The following TENM4 variants were observed in gnomAD, a reference collection of about 807,000 sequenced individuals.
TENM4 encodes teneurin transmembrane protein 4.
In TENM4, 82 loss-of-function variants were observed where a neutral mutation model predicts 243.3. The ratio of observed to expected loss-of-function variants is 0.34; its 90% CI spans 0.28 to 0.40. TENM4 has a LOEUF of 0.40. Among genes scored for constraint, TENM4 ranks in the 10% least tolerant of loss-of-function variants. The probability of loss-of-function intolerance (pLI) is 1.00; values close to 1 mark genes in which losing one functional copy is unlikely to be tolerated. For synonymous variants in TENM4, 1,412 were observed against 1,456.3 expected (o/e 0.97, Z 0.69); for missense variants, 3,138 against 3,673.3 (o/e 0.85, Z 3.77).
intron 1 of TENM4, among the ~76,000 whole-genome samples, chr11:79,409,107 C>T (rs1028378176): frequency 3.3e-4 from 44 of 135,102 alleles, no homozygotes; most frequent in East Asian, 2.7e-3. Flanking sequence ...TGTGTGCGCG[C>T]GCGCGCGTGC....
intron 3 of TENM4, among the ~76,000 whole-genome samples, chr11:79,172,099 G>T (rs190560059): frequency 2.0e-5 from 3 of 152,234 alleles, no homozygotes; most frequent in Admixed American, 2.0e-4. Flanking sequence ...CTACAGGCAC[G>T]TGCCACCACA....
At chr11:79,414,761 G>A (rs1216171329) in intron 1 of TENM4, among the ~76,000 whole-genome samples, 1 of 152,202 alleles carries the variant, frequency 6.6e-6, no homozygotes, top group East Asian at 1.9e-4. Context: ...CAGAGAGAGG[G>A]GCTGAGCAGA....
At chr11:79,066,671 C>G (rs556375597) in intron 5 of TENM4, among the ~76,000 whole-genome samples, 1 of 151,858 alleles carries the variant, frequency 6.6e-6, no homozygotes, top group African/African-American at 2.4e-5. Context: ...CATGCACATG[C>G]ACACACACGC....
rs552061647 is a variant in TENM4, at chr11:79,070,394, A to G, written c.-65-385T>C. 2.6e-3 allele frequency among the ~76,000 whole-genome samples: 397 copies of G among 152,238 alleles called. 2 individuals are homozygous for G. The highest frequency in any genetic ancestry group is 9.2e-3 in the African/African-American group (383 of 41,548). On this transcript the variant is annotated intron_variant, in intron 4 of 33. Coordinates refer to ENST00000278550, the MANE Select transcript of TENM4 (RefSeq NM_001098816.3). Reference sequence around the variant, plus strand: ...CCCAGCTCTGGCCCAGGGCTCCTTAAAAATCTGTGAGATGAATGATTGCAT... The same window carrying G: ...CCCAGCTCTGGCCCAGGGCTCCTTAGAAATCTGTGAGATGAATGATTGCAT...
At chr11:78,663,898 C>T (rs951311541) in intron 32 of TENM4, among the ~76,000 whole-genome samples, 17 of 152,084 alleles carry the variant, frequency 1.1e-4, no homozygotes, top group African/African-American at 1.4e-4. Flanking sequence ...GTTTTGTTTT[C>T]GGGTTGTCTG....
chr11:79,178,495 A>G (rs1007518275), intron 3 of TENM4, among the ~76,000 whole-genome samples: 2 of 152,186 alleles, frequency 1.3e-5, no homozygotes, highest in African/African-American at 2.4e-5. Context: ...AGTAGTGAGT[A>G]GTGTGGTGAG....
chr11:78,938,659 C>T (rs947423570), intron 6 of TENM4, among the ~76,000 whole-genome samples: 1 of 152,076 alleles, frequency 6.6e-6, no homozygotes, highest in Non-Finnish European at 1.5e-5. Flanking sequence ...TGAACAAGTG[C>T]CTACATTATT....
At chr11:78,821,480 C>T (rs1187624503) in intron 12 of TENM4, among the ~76,000 whole-genome samples, 1 of 152,156 alleles carries the variant, frequency 6.6e-6, no homozygotes, top group East Asian at 1.9e-4. Flanking sequence ...GTTTCCTTTG[C>T]CTCTATTTTT....
intron 1 of TENM4, among the ~76,000 whole-genome samples, chr11:79,364,311 C>T (rs893082786): frequency 1.3e-5 from 2 of 152,186 alleles, no homozygotes; most frequent in Non-Finnish European, 2.9e-5. Context: ...ACCCCCCGGC[C>T]CAATGGGCCT....
At chr11:78,918,655 C>T (rs1166490303) in intron 6 of TENM4, among the ~76,000 whole-genome samples, 1 of 152,132 alleles carries the variant, frequency 6.6e-6, no homozygotes, top group Non-Finnish European at 1.5e-5. Flanking sequence ...GGTGCGCTGA[C>T]ACCACTGAAG....
Position 78,702,184 on chromosome 11 carries a change from G to A in TENM4, c.4429C>T (p.His1477Tyr). Residue 1477 changes from histidine (H) to tyrosine (Y), a missense_variant, in exon 28 of 34, where the codon CAC (histidine) becomes TAC (tyrosine). By Grantham distance (83) the His-to-Tyr change is moderately conservative. Transcript: ENST00000278550. ...TCAGCAATATACAGGACCCCATTGT[G>A]TGAAACAGCCAAAGCGGTGGCTGAC... ...LESATALAVSHNGVLYIAETD... is the reference protein window; with the variant it reads ...LESATALAVSYNGVLYIAETD... 2 of 1,613,990 alleles carry A rather than the reference G, an allele frequency of 1.2e-6. No individual in the cohort carries two copies. Among genetic ancestry groups the A allele is most frequent in the Non-Finnish European group, 1.7e-6 (2 of 1,179,892 alleles).
intron 13 of TENM4, among the ~76,000 whole-genome samples, chr11:78,813,741 C>G (rs1357205386): frequency 6.6e-6 from 1 of 152,156 alleles, no homozygotes; most frequent in Non-Finnish European, 1.5e-5. Flanking sequence ...CAATGTTTAT[C>G]ATGGGCACTG....
At chr11:78,908,740 G>A (rs1025887651) in intron 6 of TENM4, among the ~76,000 whole-genome samples, 9 of 152,226 alleles carry the variant, frequency 5.9e-5, no homozygotes, top group African/African-American at 2.2e-4. Context: ...GCTCCTTTCT[G>A]CATTAGACTA....
chr11:79,376,510 T>C (rs897679305), intron 1 of TENM4, among the ~76,000 whole-genome samples: 20 of 152,208 alleles, frequency 1.3e-4, no homozygotes, highest in African/African-American at 4.8e-4. Flanking sequence ...AGACTTCCCT[T>C]CTTGATAGCA....
chr11:79,188,096 C>G (rs1405799679), intron 3 of TENM4, among the ~76,000 whole-genome samples: 1 of 152,226 alleles, frequency 6.6e-6, no homozygotes, highest in African/African-American at 2.4e-5. Flanking sequence ...ATCCACACAA[C>G]TGCTGGGACA....
chr11:79,226,023 T>C (rs868497648), intron 2 of TENM4, among the ~76,000 whole-genome samples: 40 of 152,054 alleles, frequency 2.6e-4, no homozygotes, highest in African/African-American at 9.7e-4. Context: ...AGAGACAAGA[T>C]CCCTCCTGTC....
Position 78,669,608 on chromosome 11 carries a change from G to A in TENM4, c.6737C>T (p.Thr2246Ile). 2 of 1,613,976 alleles carry A rather than the reference G, an allele frequency of 1.2e-6. No individual in the cohort carries two copies. The highest frequency in any genetic ancestry group is 1.7e-6 in the Non-Finnish European group (2 of 1,179,904). ...CTTGTATTGCACGTCACCCAGCCGAGTGATGCGGTCGCGGATGTCATACCG... is the reference window on the plus strand; with the variant it reads ...CTTGTATTGCACGTCACCCAGCCGAATGATGCGGTCGCGGATGTCATACCG... ...PLRYDIRDRI[T>I]RLGDVQYKMD... is the part of the protein sequence containing the mutation. The change falls in exon 32 of 34, where the codon ACT becomes ATT. Residue 2246 changes from threonine (T) to isoleucine (I), a missense_variant. This residue lies in a region of TENM4 where 2,467 missense variants were observed against 3,059.1 expected (regional missense o/e 0.81). Transcript: ENST00000278550. This position sits in a 1 kb window ranked among gnomAD's most constrained non-coding sequence, Gnocchi z 6.4.
intron 6 of TENM4, among the ~76,000 whole-genome samples, chr11:79,043,707 T>C (rs528031061): frequency 6.6e-6 from 1 of 152,256 alleles, no homozygotes; most frequent in South Asian, 2.1e-4. Context: ...TATAAACATC[T>C]GATGAATGAA....
intron 4 of TENM4, among the ~76,000 whole-genome samples, chr11:79,095,714 T>C (rs1861061421): frequency 6.6e-6 from 1 of 152,222 alleles, no homozygotes; most frequent in South Asian, 2.1e-4. Context: ...TTCTTAGCCA[T>C]TGTAGTACTA....
Sources: gnomAD v4.1 joint callset for allele counts (sites outside exome capture counted in the v4.1 genomes callset) on GRCh38, gnomAD v4.1.1 for gene constraint, gnomAD v4.1.1 regional missense constraint, Gnocchi (gnomAD v3.1) non-coding constraint, MANE v1.5 for transcripts, NCBI Gene and HGNC (gene_info 2026-07-23, HGNC 2026-07-21) for gene names.